The following ACVR2A variants were observed in gnomAD, a reference collection of about 807,000 sequenced individuals.
The protein encoded by ACVR2A is activin receptor type-2A.
Under a neutral mutation model 61.4 loss-of-function variants are expected in ACVR2A, and 7 were observed. The observed-to-expected ratio is 0.11, with a 90% CI of 0.06 to 0.21. The LOEUF is 0.21. Among genes scored for constraint, ACVR2A ranks in the 10% least tolerant of loss-of-function variants. The probability of loss-of-function intolerance (pLI) is 1.00; values close to 1 mark genes in which losing one functional copy is unlikely to be tolerated. For synonymous variants in ACVR2A, 193 were observed against 208.3 expected (o/e 0.93, Z 0.63); for missense variants, 322 against 621.7 (o/e 0.52, Z 5.13).
At chr2:147,869,332 A>T (rs574340306) in intron 1 of ACVR2A, among the ~76,000 whole-genome samples, 1 of 151,538 alleles carries the variant, frequency 6.6e-6, no homozygotes, top group East Asian at 1.9e-4. Flanking sequence ...TGCATCATTC[A>T]TAAGGGAGAC....
chr2:147,883,150 A>G (rs956990863), intron 1 of ACVR2A, among the ~76,000 whole-genome samples: 3 of 152,154 alleles, frequency 2.0e-5, no homozygotes, highest in African/African-American at 7.2e-5. Context: ...AAAGATATCA[A>G]AAGACTCAAT....
At chr2:147,894,054 G>A (rs147854790) in intron 1 of ACVR2A, among the ~76,000 whole-genome samples, 1,958 of 152,174 alleles carry the variant, frequency 0.013, 19 homozygotes, top group Non-Finnish European at 0.019. Context: ...TGATATATGG[G>A]TTGAAGTTGT....
chr2:147,889,556 A>G (rs1573681980), intron 1 of ACVR2A, among the ~76,000 whole-genome samples: 1 of 152,092 alleles, frequency 6.6e-6, no homozygotes, highest in South Asian at 2.1e-4. Context: ...CATCCTGTCT[A>G]ACACGGTGAA....
At chr2:147,885,986 T>C (rs114990001) in intron 1 of ACVR2A, among the ~76,000 whole-genome samples, 1,919 of 152,250 alleles carry the variant, frequency 0.013, 46 homozygotes, top group African/African-American at 0.044. Context: ...TGCAAGTTTC[T>C]GGGCAGTAGG....
chr2:147,898,093 T>A (rs1442140897), intron 2 of ACVR2A: 3 of 152,228 alleles, frequency 2.0e-5, no homozygotes, highest in Non-Finnish European at 4.4e-5. Flanking sequence ...TGAGCCATTT[T>A]CACTGGAGTC....
intron 7 of ACVR2A, among the ~76,000 whole-genome samples, chr2:147,919,472 G>A (rs1046675984): frequency 3.9e-5 from 6 of 152,224 alleles, no homozygotes; most frequent in Non-Finnish European, 2.9e-5. Context: ...AACTAAGATC[G>A]ATTAGCTTTT....
At chr2:147,886,879 T>C (rs1380278057) in intron 1 of ACVR2A, among the ~76,000 whole-genome samples, 1 of 151,880 alleles carries the variant, frequency 6.6e-6, no homozygotes, top group East Asian at 1.9e-4. Flanking sequence ...TTTCATCATA[T>C]TGAGAATGAC....
intron 7 of ACVR2A, among the ~76,000 whole-genome samples, chr2:147,919,213 G>C (rs1383687642): frequency 1.3e-5 from 2 of 152,122 alleles, no homozygotes; most frequent in Admixed American, 1.3e-4. Flanking sequence ...CTGATTCACA[G>C]AACAGATACT....
chr2:147,887,435 T>C (rs958147914), intron 1 of ACVR2A, among the ~76,000 whole-genome samples: 2 of 152,242 alleles, frequency 1.3e-5, no homozygotes, highest in Non-Finnish European at 2.9e-5. Context: ...CATGAAAATA[T>C]TACACTATTT....
At chr2:147,905,205 GTATA>G (rs1410250171) in intron 4 of ACVR2A, among the ~76,000 whole-genome samples, 1 of 151,794 alleles carries the variant, frequency 6.6e-6, no homozygotes, top group Non-Finnish European at 1.5e-5. Context: ...ATTTTTTTGA[GTATA>G]TATGTTTTCT....
rs77897792 is a variant in ACVR2A, at chr2:147,910,479, A to G, written c.529-4712A>G. Among the ~76,000 whole-genome samples the G allele has an allele frequency of 2.7e-3, 413 of 152,254 alleles. 1 individual carries two copies. Among genetic ancestry groups the G allele is most frequent in the Middle Eastern group, 0.01 (3 of 294 alleles). On this transcript the variant is annotated intron_variant, in intron 4 of 10. Transcript: ENST00000241416. ...TAGTAGGATTATCTCAGCCTTTTGG[A>G]TGAATTATAAATACTCTTGAATCAT...
intron 1 of ACVR2A, 141 bp downstream of exon 1, chr2:147,845,348 G>GCCCCCCCCCCC (rs557975990): frequency 4.3e-6 from 1 of 231,112 alleles, no homozygotes; most frequent in African/African-American, 7.1e-5. Flanking sequence ...GGCTGCCACC[G>GCCCCCCCCCCC]CCCCCCCCCC....
chr2:147,872,714 A>G (rs904076885), intron 1 of ACVR2A, among the ~76,000 whole-genome samples: 1 of 151,606 alleles, frequency 6.6e-6, no homozygotes, highest in Non-Finnish European at 1.5e-5. Context: ...AGCATTTTGT[A>G]TGCATTTAGT....
At chr2:147,907,169 C>G (rs1687007511) in intron 4 of ACVR2A, among the ~76,000 whole-genome samples, 1 of 152,134 alleles carries the variant, frequency 6.6e-6, no homozygotes, top group Non-Finnish European at 1.5e-5. Flanking sequence ...AGGACATGAT[C>G]TCATTCCTTT....
intron 1 of ACVR2A, among the ~76,000 whole-genome samples, chr2:147,881,128 T>C (rs962049822): frequency 1.2e-4 from 19 of 152,212 alleles, no homozygotes; most frequent in African/African-American, 4.6e-4. Flanking sequence ...TTTCAGGCTT[T>C]CTTGGCCTGT....
chr2:147,850,782 CTAGA>C (rs1685425612), intron 1 of ACVR2A, among the ~76,000 whole-genome samples: 1 of 152,158 alleles, frequency 6.6e-6, no homozygotes, highest in Non-Finnish European at 1.5e-5. Flanking sequence ...CATTCTCCAC[CTAGA>C]TTTCTTGTTA....
intron 1 of ACVR2A, among the ~76,000 whole-genome samples, chr2:147,867,971 T>A (rs1279805866): frequency 6.6e-6 from 1 of 152,232 alleles, no homozygotes; most frequent in Non-Finnish European, 1.5e-5. Flanking sequence ...CCCTAGCAAG[T>A]TGTTAGGTGC....
chr2:147,851,592 AC>A (rs963490978), intron 1 of ACVR2A, among the ~76,000 whole-genome samples: 15 of 152,162 alleles, frequency 9.9e-5, no homozygotes, highest in African/African-American at 3.1e-4. Context: ...TACCTGGCTA[AC>A]CCCTTTTTGG....
intron 6 of ACVR2A, among the ~76,000 whole-genome samples, chr2:147,917,839 T>C (rs748113659): frequency 1.4e-4 from 21 of 151,956 alleles, no homozygotes; most frequent in Admixed American, 5.9e-4. Flanking sequence ...CTTTGATCTG[T>C]CACTAACTTG....
Sources: allele counts gnomAD v4.1 joint callset (sites outside exome capture counted in the v4.1 genomes callset), GRCh38; gene constraint gnomAD v4.1.1; transcripts MANE v1.5; gene names NCBI Gene and HGNC (gene_info 2026-07-23, HGNC 2026-07-21).